MYO7B: variants seen among roughly 807,000 people sequenced by gnomAD.
MYO7B encodes unconventional myosin-VIIb.
A neutral mutation model predicts 259.7 loss-of-function variants in MYO7B; 212 were observed. That is an observed-to-expected ratio of 0.82 (90% confidence interval 0.73 to 0.91). The LOEUF is 0.91. Ranked by LOEUF, MYO7B falls within the 40% of genes least tolerant of loss-of-function variation. The probability of loss-of-function intolerance (pLI) is 0.00; values close to 1 mark genes in which losing one functional copy is unlikely to be tolerated. For missense variants in MYO7B, 2,732 were observed against 2,813.5 expected, an observed-to-expected ratio of 0.97 and a Z score of 0.66; for synonymous variants, 1,197 against 1,166.4, an observed-to-expected ratio of 1.03 and a Z score of -0.54.
rs1342230773 is a variant in MYO7B at position 127,564,270 on chromosome 2, AG to A, written c.132+5del. ...GGTTGAAGATGACGAGGGCAAGGTC[AG>A]TGTTCTGGGGTTTCCTCTGGGCCCT... On this transcript the variant is annotated splice_donor_5th_base_variant and intron_variant, in intron 3 of 47. Transcript: ENST00000409816. 2 of 1,560,680 alleles carry A rather than the reference AG, an allele frequency of 1.3e-6. No individual in the cohort carries two copies. Among genetic ancestry groups the A allele is most frequent in the Non-Finnish European group, 1.7e-6 (2 of 1,151,584 alleles).
At chr2:127,574,401 G>T (rs1203217950) in intron 7 of MYO7B, among the ~76,000 whole-genome samples, 1 of 152,146 alleles carries the variant, frequency 6.6e-6, no homozygotes, top group African/African-American at 2.4e-5. Context: ...AATTAGCTAG[G>T]CAGTGGCACA....
intron 19 of MYO7B, among the ~76,000 whole-genome samples, chr2:127,599,772 T>C (rs1203478204): frequency 6.6e-6 from 1 of 152,344 alleles, no homozygotes; most frequent in Non-Finnish European, 1.5e-5. Flanking sequence ...GATAATGATA[T>C]GTGATTTTTC....
At position 127,628,208 on chromosome 2, in the gene MYO7B, T is replaced by G. The variant is rs1467286816; in HGVS notation, c.4461-164T>G. The G allele has an allele frequency of 1.2e-6, 1 of 842,508 alleles. No individual in the cohort carries two copies. Among genetic ancestry groups the G allele is most frequent in the Admixed American group, 2.0e-5 (1 of 50,020 alleles). The allele number at this position is 842,508 out of a possible 1,614,324, so 52.2% of individuals were successfully genotyped here. A position where few individuals can be genotyped will look rare whatever the true frequency, so the allele number is the denominator to read the frequency against. ...GTCCTGTGCTCCGCCGTCCTTCATT[T>G]GTCCAGACCCACAGTGGTGTCTGGC... On this transcript the variant is annotated intron_variant, in intron 33 of 47. Coordinates refer to ENST00000409816, the MANE Select transcript of MYO7B (RefSeq NM_001393586.1). The surrounding 1 kb of genome is among the most constrained non-coding windows in gnomAD (Gnocchi z 4.8).
At chr2:127,544,574 A>AT (rs1264827038) in intron 1 of MYO7B, among the ~76,000 whole-genome samples, 2 of 126,398 alleles carry the variant, frequency 1.6e-5, no homozygotes. Flanking sequence ...ACGTCTGGCT[A>AT]ATTTTTTTTT....
chr2:127,571,442 G>GTT lies in MYO7B; in HGVS notation c.592+1548_592+1549dup. On this transcript the variant is annotated intron_variant, in intron 6 of 47. Transcript: ENST00000409816. Reference sequence around the variant, plus strand: ...AATTGGTCTATTTCCTTACCAGTGAGTTTTTTTTTTTTTTTTTGCTTGTTT... The same window carrying GTT: ...AATTGGTCTATTTCCTTACCAGTGAGTTTTTTTTTTTTTTTTTTTGCTTGTTT... Among the ~76,000 whole-genome samples, 43 of 41,962 alleles carry GTT rather than the reference G, an allele frequency of 1.0e-3. 3 individuals are homozygous for GTT. Among genetic ancestry groups the GTT allele is most frequent in the Admixed American group, 1.0e-3 (3 of 2,906 alleles). 27.5% of individuals were successfully genotyped at this position (41,962 alleles called of 152,430 possible). A position where few individuals can be genotyped will look rare whatever the true frequency, so the allele number is the denominator to read the frequency against.
At position 127,632,376 on chromosome 2, in the gene MYO7B, A is replaced by C. The variant is rs1681570727; in HGVS notation, c.5380A>C (p.Ser1794Arg). 6.3e-7 allele frequency: 1 copy of C among 1,578,780 alleles called. No individual in the cohort carries two copies. Among genetic ancestry groups the C allele is most frequent in the Non-Finnish European group, 8.6e-7 (1 of 1,162,036 alleles). Reference protein sequence around the residue: ...RRGKLLAPDCSRRIQKVLRTG... With the variant: ...RRGKLLAPDCRRRIQKVLRTG... ...GGGGAAGCTGCTGGCCCCCGACTGC[A>C]GCCGCCGAATCCAGAAGGTCCTGAG... The change falls in exon 39 of 48, where the codon AGC becomes CGC. Residue 1794 changes from serine to arginine, a missense_variant. By Grantham distance (110) the Ser-to-Arg change is moderately radical. This residue lies in a region of MYO7B where 821 missense variants were observed against 769.3 expected (regional missense o/e 1.07). Coordinates refer to ENST00000409816, the MANE Select transcript of MYO7B (RefSeq NM_001393586.1).
Position 127,636,116 on chromosome 2 carries a change from G to C in MYO7B, c.6007-92G>C. 8.4e-7 allele frequency: 1 copy of C among 1,186,812 alleles called. No individual in the cohort carries two copies. Among genetic ancestry groups the C allele is most frequent in the Non-Finnish European group, 1.2e-6 (1 of 819,038 alleles). The allele number at this position is 1,186,812 out of a possible 1,614,324, so 73.5% of individuals were successfully genotyped here. On this transcript the variant is annotated intron_variant, in intron 44 of 47. Coordinates refer to ENST00000409816, the MANE Select transcript of MYO7B (RefSeq NM_001393586.1). This position sits in a 1 kb window ranked among gnomAD's most constrained non-coding sequence, Gnocchi z 4.5. ...GCATTCCTCCCCTCCCCTCCCCACC[G>C]TACTAGCCCTGGGGTAGGCAGGTGC... is the stretch of plus-strand genomic sequence containing the variant.
At position 127,546,904 on chromosome 2, in the gene MYO7B, C is replaced by CCA. The variant is rs1404123352; in HGVS notation, c.-24+11075_-24+11076dup. Among the ~76,000 whole-genome samples the CCA allele has an allele frequency of 1.3e-5, 2 of 151,936 alleles. No homozygotes were observed. Among genetic ancestry groups the CCA allele is most frequent in the Non-Finnish European group, 2.9e-5 (2 of 67,966 alleles). Reference sequence around the variant, plus strand: ...ATTAATCCATCCACCATCCATCTATCCACCCACCCACCCATTCACCCACTC... The same window carrying CCA: ...ATTAATCCATCCACCATCCATCTATCCACACCCACCCACCCATTCACCCACTC... On this transcript the variant is annotated intron_variant, in intron 1 of 47. Transcript: ENST00000409816. The surrounding 1 kb of genome is among the most constrained non-coding windows in gnomAD (Gnocchi z 4.2).
Position 127,584,640 on chromosome 2 carries a change from A to G in MYO7B, c.1555-138A>G. The G allele has an allele frequency of 9.5e-7, 1 of 1,055,936 alleles. No individual in the cohort carries two copies. Among genetic ancestry groups the G allele is most frequent in the Non-Finnish European group, 1.4e-6 (1 of 736,404 alleles). The allele number at this position is 1,055,936 out of a possible 1,614,324, so 65.4% of individuals were successfully genotyped here. ...TGCAACAAGTCACTGACCCCTGGGC[A>G]TTAGTTTCCTGTCTGTACAAAGGCC... On this transcript the variant is annotated intron_variant, in intron 13 of 47. Transcript: ENST00000409816. The surrounding 1 kb of genome is among the most constrained non-coding windows in gnomAD (Gnocchi z 5.8).
At chr2:127,574,189 C>G in intron 7 of MYO7B, 127 bp downstream of exon 7, 1 of 1,208,148 alleles carries the variant, frequency 8.3e-7, no homozygotes, top group South Asian at 1.4e-5. Context: ...ACAGGCCTCA[C>G]TGGATAATGA....
rs969130653 is a variant in MYO7B at position 127,613,167 on chromosome 2, C to T, written c.3398+564C>T. On this transcript the variant is annotated intron_variant, in intron 26 of 47. Transcript: ENST00000409816. The surrounding 1 kb of genome is among the most constrained non-coding windows in gnomAD (Gnocchi z 4.3). ...CATTATTTCTTCACATATTTTTCTA[C>T]CCCATTCTGTCTCTCTCCTTTCCTT... Among the ~76,000 whole-genome samples the T allele has an allele frequency of 6.6e-6, 1 of 152,184 alleles. No homozygotes were observed. The highest frequency in any genetic ancestry group is 1.5e-5 in the Non-Finnish European group (1 of 68,038).
intron 2 of MYO7B, among the ~76,000 whole-genome samples, chr2:127,563,204 T>C (rs1223263869): frequency 1.3e-5 from 2 of 152,272 alleles, no homozygotes; most frequent in African/African-American, 4.8e-5. Context: ...CACAACTTCC[T>C]ACTGCTCTGT....
Position 127,636,802 on chromosome 2 carries a change from C to G in MYO7B, c.6216C>G (p.Leu2072=). The G allele has an allele frequency of 6.2e-7, 1 of 1,612,314 alleles. No individual in the cohort carries two copies. Among genetic ancestry groups the G allele is most frequent in the Non-Finnish European group, 8.5e-7 (1 of 1,179,146 alleles). The change falls in exon 47 of 48, where the codon CTC becomes CTG. Residue 2072 remains leucine (L), a synonymous_variant. Transcript: ENST00000409816. The surrounding 1 kb of genome is among the most constrained non-coding windows in gnomAD (Gnocchi z 4.5). ...LLIHPKTKDL[L]TTYPFTKISS... is the part of the protein sequence containing the mutation. ...ACCCTCTCTGCCCCCAGGACCTGCT[C>G]ACCACCTATCCCTTCACCAAGATCT...
rs376500341 is a variant in MYO7B at position 127,630,815 on chromosome 2, C to T, written c.4844C>T (p.Ala1615Val). Reference protein sequence around the residue: ...LAMSPEKRKLAAQEGQFTEPR... With the variant: ...LAMSPEKRKLVAQEGQFTEPR... Reference sequence around the variant, plus strand: ...ATGTCACCAGAGAAGAGGAAGCTGGCGGCTCAGGAGGGGCAGTTCACAGAG... The same window carrying T: ...ATGTCACCAGAGAAGAGGAAGCTGGTGGCTCAGGAGGGGCAGTTCACAGAG... The change falls in exon 36 of 48, where the codon GCG becomes GTG. Residue 1615 changes from alanine to valine, a missense_variant. Ala to Val is a moderately conservative substitution (Grantham distance 64). Transcript: ENST00000409816. 1.3e-4 allele frequency: 211 copies of T among 1,613,028 alleles called. 1 individual carries two copies. Among genetic ancestry groups the T allele is most frequent in the South Asian group, 3.1e-4 (28 of 91,070 alleles).
Position 127,577,253 on chromosome 2 carries a change from G to T in MYO7B, c.849+545G>T, listed in dbSNP as rs879349461. ...TGGACCCAGAGCATTCTGCCTCTGGGATCTCTCCCATGCAACCCTCTCTCC... is the reference window on the plus strand; with the variant it reads ...TGGACCCAGAGCATTCTGCCTCTGGTATCTCTCCCATGCAACCCTCTCTCC... On this transcript the variant is annotated intron_variant, in intron 8 of 47. Transcript: ENST00000409816. The surrounding 1 kb of genome is among the most constrained non-coding windows in gnomAD (Gnocchi z 5.2). Among the ~76,000 whole-genome samples the T allele has an allele frequency of 2.0e-4, 31 of 152,036 alleles. No individual in the cohort carries two copies. Among genetic ancestry groups the T allele is most frequent in the Non-Finnish European group, 4.1e-4 (28 of 67,996 alleles).
chr2:127,588,403 A>T lies in MYO7B; in HGVS notation c.1702A>T (p.Lys568Ter). ...VYYQAEGFLE[K>*]NRDVLSTDIL... Reference sequence around the variant, plus strand: ...CTGTGTCTCCACAGGCTTCCTGGAGAAGAACCGAGACGTGCTGAGCACAGA... The same window carrying T: ...CTGTGTCTCCACAGGCTTCCTGGAGTAGAACCGAGACGTGCTGAGCACAGA... Residue 568 changes from lysine (K) to a stop codon, truncating the protein, a stop_gained, in exon 15 of 48, where the codon AAG (lysine) becomes TAG (stop). Transcript: ENST00000409816. LOFTEE classifies it high-confidence loss of function. 6.2e-7 allele frequency: 1 copy of T among 1,612,760 alleles called. No homozygotes were observed. The highest frequency in any genetic ancestry group is 8.5e-7 in the Non-Finnish European group (1 of 1,179,762).
intron 4 of MYO7B, 82 bp from the exon 5 acceptor site, chr2:127,566,561 C>A: frequency 1.5e-6 from 2 of 1,374,892 alleles, no homozygotes; most frequent in Non-Finnish European, 1.9e-6. Flanking sequence ...GAGGGCAGAG[C>A]CAGAGCCAAG....
In MYO7B at chr2:127,564,213, A is replaced by G. The variant is rs1208519270; in HGVS notation, c.79A>G (p.Ile27Val). 6.3e-7 allele frequency: 1 copy of G among 1,581,074 alleles called. No individual in the cohort carries two copies. Among genetic ancestry groups the G allele is most frequent in the South Asian group, 1.2e-5 (1 of 86,102 alleles). Residue 27 changes from isoleucine to valine, a missense_variant, in exon 3 of 48, where the codon ATC (isoleucine) becomes GTC (valine). Around this residue, in one of 3 missense-constraint regions of MYO7B, gnomAD observed 1,906 missense variants for 2,026.4 expected, o/e 0.94. Coordinates refer to ENST00000409816, the MANE Select transcript of MYO7B (RefSeq NM_001393586.1). ...THKTGVAIGG[I>V]IKEAKPGKVL... is the part of the protein sequence containing the mutation. ...CAAGACCGGCGTGGCCATCGGGGGC[A>G]TCATCAAAGAGGCAAAGCCAGGCAA...
intron 40 of MYO7B, 61 bp from the exon 41 acceptor site, chr2:127,634,115 A>T: frequency 7.3e-7 from 1 of 1,363,228 alleles, no homozygotes; most frequent in Non-Finnish European, 1.0e-6. Context: ...AGGAAGGCTC[A>T]TCCTGGGCTG....
Sources: allele counts gnomAD v4.1 joint callset (sites outside exome capture counted in the v4.1 genomes callset), GRCh38; gene constraint gnomAD v4.1.1; regional missense constraint gnomAD v4.1.1; non-coding constraint Gnocchi (gnomAD v3.1); transcripts MANE v1.5; gene names NCBI Gene and HGNC (gene_info 2026-07-23, HGNC 2026-07-21).